LUZP1: variants seen among roughly 807,000 people sequenced by gnomAD.
LUZP1 encodes leucine zipper protein 1, also known as filamin mechanobinding actin cross-linking protein.
In LUZP1, 25 loss-of-function variants were observed where a neutral mutation model predicts 71.3. That is an observed-to-expected ratio of 0.35 (90% CI 0.26 to 0.49). The LOEUF (loss-of-function observed/expected upper bound fraction) is 0.49, where lower values mean the gene tolerates loss of function less well. LUZP1 is among the 20% of genes least tolerant of loss of function. LUZP1 has a pLI of 0.99. For synonymous variants in LUZP1, 481 were observed against 506.4 expected (o/e 0.95, Z 0.67); for missense variants, 1,142 against 1,300.8 (o/e 0.88, Z 1.88).
At chr1:23,103,403 G>A (rs1328503955) in intron 3 of LUZP1, among the ~76,000 whole-genome samples, 16 of 152,056 alleles carry the variant, frequency 1.1e-4, no homozygotes, top group Non-Finnish European at 4.4e-5. Flanking sequence ...TTTTGGATAC[G>A]CAAACTCAAG....
intron 1 of LUZP1, among the ~76,000 whole-genome samples, chr1:23,176,148 A>G (rs915755364): frequency 2.1e-5 from 3 of 143,280 alleles, no homozygotes; most frequent in Admixed American, 1.5e-4. Flanking sequence ...TGCAACCACC[A>G]CCTCCTGGGT....
chr1:23,125,536 C>A (rs147198768), intron 2 of LUZP1, among the ~76,000 whole-genome samples: 16 of 152,128 alleles, frequency 1.1e-4, no homozygotes, highest in African/African-American at 3.9e-4. Context: ...TCAATAAACA[C>A]GGAAAAAAGT....
rs370868213 is a variant in LUZP1, at chr1:23,117,476, TCC to T, written c.-225-8351_-225-8350del. Among the ~76,000 whole-genome samples the T allele has an allele frequency of 3.2e-3, 127 of 39,658 alleles. 3 individuals carry two copies. The Admixed American group carries it at 0.034, about 11-fold the overall frequency. 26.0% of individuals were successfully genotyped at this position (39,658 alleles called of 152,430 possible). ...TTTCCTCTCTCTCTCTCTCTCTCTCTCCCCCCCCCCCCCCCACAATCAGGAAG... is the reference window on the plus strand; with the variant it reads ...TTTCCTCTCTCTCTCTCTCTCTCTCTCCCCCCCCCCCCCACAATCAGGAAG... On this transcript the variant is annotated intron_variant, in intron 2 of 4. Transcript: ENST00000302291.
chr1:23,128,496 T>C (rs1352268393), intron 2 of LUZP1, among the ~76,000 whole-genome samples: 1 of 152,246 alleles, frequency 6.6e-6, no homozygotes, highest in South Asian at 2.1e-4. Flanking sequence ...ATATTAATTA[T>C]TAGTGTTAAT....
chr1:23,132,186 A>G (rs1173388204), intron 2 of LUZP1, among the ~76,000 whole-genome samples: 1 of 152,204 alleles, frequency 6.6e-6, no homozygotes, highest in Non-Finnish European at 1.5e-5. Context: ...CTTTAAGTCA[A>G]CAAATACTCA....
intron 3 of LUZP1, among the ~76,000 whole-genome samples, chr1:23,098,655 G>A (rs970927209): frequency 2.0e-5 from 3 of 152,150 alleles, no homozygotes; most frequent in African/African-American, 7.2e-5. Context: ...CGGCAGCAAC[G>A]ATAGAGTATT....
intron 2 of LUZP1, among the ~76,000 whole-genome samples, 157 bp downstream of exon 1, chr1:23,168,609 C>T (rs1011728655): frequency 1.8e-5 from 2 of 108,518 alleles, no homozygotes; most frequent in Non-Finnish European, 3.7e-5. Flanking sequence ...TCCAACTCTC[C>T]CCCAACTCCA....
chr1:23,174,043 A>G (rs1644569234), intron 1 of LUZP1, among the ~76,000 whole-genome samples: 1 of 152,094 alleles, frequency 6.6e-6, no homozygotes, highest in Non-Finnish European at 1.5e-5. Flanking sequence ...CAGAACCAAT[A>G]GGAGTATATA....
chr1:23,172,908 C>T (rs116399264), intron 1 of LUZP1, among the ~76,000 whole-genome samples: 26,491 of 151,430 alleles, frequency 0.17, 2,435 homozygotes, highest in Middle Eastern at 0.3. Context: ...ATCTCGGCTC[C>T]GCCTCCCGTA....
intron 2 of LUZP1, among the ~76,000 whole-genome samples, chr1:23,131,450 G>A (rs577239937): frequency 6.6e-6 from 1 of 151,914 alleles, no homozygotes; most frequent in African/African-American, 2.4e-5. Context: ...TTATTCTGTT[G>A]ATATGTTTAC....
At chr1:23,139,019 A>AATATATATATATATATATAT (rs1225155907) in intron 2 of LUZP1, among the ~76,000 whole-genome samples, 2 of 59,952 alleles carry the variant, frequency 3.3e-5, no homozygotes, top group African/African-American at 9.3e-5. Context: ...AAAAAAAAAA[A>AATATATATATATATATATAT]ATATATATAT....
chr1:23,094,005 T>C lies in LUZP1; in HGVS notation c.257A>G (p.Glu86Gly). 6.2e-7 allele frequency: 1 copy of C among 1,614,236 alleles called. No individual in the cohort carries two copies. Among genetic ancestry groups the C allele is most frequent in the Non-Finnish European group, 8.5e-7 (1 of 1,180,040 alleles). ...CTCCTTCATCAGACGACACAGATCC[T>C]CTGCTCTCTTAATTTCCTCGTCTTT... Residue 86 changes from glutamate to glycine, a missense_variant, in exon 4 of 5, where the codon GAG becomes GGG. Glu to Gly is a moderately conservative substitution (Grantham distance 98). Coordinates refer to ENST00000302291, the Ensembl canonical transcript of LUZP1. The surrounding 1 kb of genome is among the most constrained non-coding windows in gnomAD (Gnocchi z 4.7).
intron 2 of LUZP1, among the ~76,000 whole-genome samples, chr1:23,154,709 A>T (rs1488579311): frequency 4.0e-5 from 5 of 125,632 alleles, no homozygotes; most frequent in African/African-American, 9.4e-5. Flanking sequence ...CACCTGGCTA[A>T]TTTTTTTTTT....
chr1:23,131,219 C>CAAAAAAAAAAAAA (rs71020480), intron 2 of LUZP1, among the ~76,000 whole-genome samples: 1 of 45,032 alleles, frequency 2.2e-5, no homozygotes, highest in African/African-American at 1.0e-4. Flanking sequence ...GACTCCATCT[C>CAAAAAAAAAAAAA]AAAAAAAAAA....
intron 2 of LUZP1, among the ~76,000 whole-genome samples, chr1:23,136,873 G>C (rs974861672): frequency 6.6e-6 from 1 of 152,178 alleles, no homozygotes; most frequent in Non-Finnish European, 1.5e-5. Flanking sequence ...AGCCGAGATC[G>C]TGCCACTGCA....
At position 23,102,117 on chromosome 1, in the gene LUZP1, T is replaced by A. The variant is rs144283874; in HGVS notation, c.-120+6905A>T. On this transcript the variant is annotated intron_variant, in intron 3 of 4. Coordinates refer to ENST00000302291, the Ensembl canonical transcript of LUZP1. ...TGATTAAATGTGCCTAAGGGTGGGG[T>A]CTGGGAAGGAAACTGTTTATATTAA... Among the ~76,000 whole-genome samples the A allele has an allele frequency of 3.2e-3, 480 of 151,840 alleles. 2 individuals are homozygous for A. Among genetic ancestry groups the A allele is most frequent in the African/African-American group, 0.011 (463 of 41,382 alleles).
At chr1:23,097,973 G>A (rs1036092354) in intron 3 of LUZP1, among the ~76,000 whole-genome samples, 1 of 152,264 alleles carries the variant, frequency 6.6e-6, no homozygotes, top group African/African-American at 2.4e-5. Flanking sequence ...AGCAGTCTGA[G>A]AAGGAAGATG....
chr1:23,110,632 A>G (rs1216772154), intron 2 of LUZP1, among the ~76,000 whole-genome samples: 2 of 35,410 alleles, frequency 5.6e-5, no homozygotes, highest in South Asian at 6.7e-4. Flanking sequence ...GAACGCGCAC[A>G]CATACACACA....
At chr1:23,169,254 A>G (rs973906027) in intron 1 of LUZP1, among the ~76,000 whole-genome samples, 2 of 152,248 alleles carry the variant, frequency 1.3e-5, no homozygotes, top group East Asian at 3.9e-4. Flanking sequence ...AAGTAGGAGG[A>G]TCGCTTGAGC....
Sources: allele counts gnomAD v4.1 joint callset (sites outside exome capture counted in the v4.1 genomes callset), GRCh38; gene constraint gnomAD v4.1.1; non-coding constraint Gnocchi (gnomAD v3.1); transcripts MANE v1.5; gene names NCBI Gene and HGNC (gene_info 2026-07-23, HGNC 2026-07-21).